Variants in FGF12 observed in about 807,000 individuals in gnomAD.
FGF12 encodes fibroblast growth factor 12.
Under a neutral mutation model 23.6 loss-of-function variants are expected in FGF12, and 14 were observed. That is an observed-to-expected ratio of 0.59 (90% confidence interval 0.39 to 0.93). The LOEUF is 0.93. Ranked by LOEUF, FGF12 falls within the 40% of genes least tolerant of loss-of-function variation. FGF12 has a pLI of 0.00. For missense variants in FGF12, 175 were observed against 217.8 expected, an observed-to-expected ratio of 0.80 and a Z score of 1.24; for synonymous variants, 62 against 77.3, an observed-to-expected ratio of 0.80 and a Z score of 1.04.
intron 2 of FGF12, among the ~76,000 whole-genome samples, chr3:192,401,736 G>A (rs1032998834): frequency 2.6e-5 from 4 of 152,284 alleles, no homozygotes; most frequent in African/African-American, 4.8e-5. Flanking sequence ...AGGCCCTGCG[G>A]TTCTTGCCAA....
At chr3:192,453,726 G>C (rs1722596315) in intron 2 of FGF12, among the ~76,000 whole-genome samples, 1 of 152,038 alleles carries the variant, frequency 6.6e-6, no homozygotes. Context: ...TCTCTTGCTT[G>C]GCTTGGGCTC....
chr3:192,186,461 C>T (rs74706075), intron 4 of FGF12, among the ~76,000 whole-genome samples: 1 of 152,146 alleles, frequency 6.6e-6, no homozygotes, highest in Non-Finnish European at 1.5e-5. Flanking sequence ...ACATAGTAAG[C>T]CTACTAGAAA....
rs116826947 is a variant in FGF12, at chr3:192,465,800, T to C, written c.14-105262A>G. Among the ~76,000 whole-genome samples, 427 of 152,278 alleles carry C rather than the reference T, an allele frequency of 2.8e-3. 7 individuals are homozygous for C. The highest frequency in any genetic ancestry group is 9.7e-3 in the African/African-American group (404 of 41,556). ...ACATTGTATACATGTTACTGCGTTT[T>C]TTTGCTGCTGAAGAAAAGAGCACCC... On this transcript the variant is annotated intron_variant, in intron 2 of 5. Transcript: ENST00000445105.
At chr3:192,222,628 C>T (rs1327383714) in intron 4 of FGF12, among the ~76,000 whole-genome samples, 1 of 152,088 alleles carries the variant, frequency 6.6e-6, no homozygotes, top group Non-Finnish European at 1.5e-5. Context: ...ATAAGAGTGT[C>T]TGGGAAACAG....
rs191581572 is a variant in FGF12, at chr3:192,528,813, T to C, written c.14-168275A>G. On this transcript the variant is annotated intron_variant, in intron 2 of 5. Coordinates refer to ENST00000445105, the MANE Select transcript of FGF12 (RefSeq NM_004113.6). ...TTGAGTCTTGCACCCTCTGAAGTCA[T>C]GGCCAGAGCTGTACATTGGCCCCTT... Among the ~76,000 whole-genome samples, 144 of 152,296 alleles carry C rather than the reference T, an allele frequency of 9.5e-4. 1 individual carries two copies. Among genetic ancestry groups the C allele is most frequent in the African/African-American group, 3.2e-3 (135 of 41,568 alleles).
intron 2 of FGF12, among the ~76,000 whole-genome samples, chr3:192,547,554 T>C (rs1469365094): frequency 1.3e-5 from 2 of 152,196 alleles, no homozygotes; most frequent in Non-Finnish European, 2.9e-5. Context: ...CAATGGTATA[T>C]TGTTGTGGAC....
intron 4 of FGF12, among the ~76,000 whole-genome samples, chr3:192,224,993 T>A (rs970151702): frequency 6.6e-6 from 1 of 152,044 alleles, no homozygotes; most frequent in Non-Finnish European, 1.5e-5. Flanking sequence ...GACTTAGCAT[T>A]TCTTACCAGC....
chr3:192,228,959 T>C (rs1047920223), intron 4 of FGF12, among the ~76,000 whole-genome samples: 4 of 152,048 alleles, frequency 2.6e-5, no homozygotes, highest in African/African-American at 7.2e-5. Flanking sequence ...TCACAATAAT[T>C]TTCCGAGTTA....
At chr3:192,209,465 G>T (rs535004126) in intron 4 of FGF12, among the ~76,000 whole-genome samples, 4 of 152,250 alleles carry the variant, frequency 2.6e-5, no homozygotes, top group South Asian at 2.1e-4. Flanking sequence ...ACCACTTTTA[G>T]TTTGTTTAAA....
intron 2 of FGF12, among the ~76,000 whole-genome samples, chr3:192,492,799 AC>A (rs1327799880): frequency 1.3e-5 from 2 of 152,080 alleles, no homozygotes; most frequent in Admixed American, 6.6e-5. Context: ...CTCACATGTC[AC>A]TAGGTGTGAG....
At chr3:192,676,326 T>A (rs908154281) in intron 2 of FGF12, among the ~76,000 whole-genome samples, 1 of 152,164 alleles carries the variant, frequency 6.6e-6, no homozygotes, top group African/African-American at 2.4e-5. Flanking sequence ...CCTAGGAGCA[T>A]AGAGTTGAAT....
intron 2 of FGF12, among the ~76,000 whole-genome samples, chr3:192,495,025 C>T (rs1299076126): frequency 1.3e-5 from 2 of 151,948 alleles, no homozygotes; most frequent in Admixed American, 1.3e-4. Context: ...CTCGCCCGGC[C>T]AATTTTTGTA....
intron 2 of FGF12, among the ~76,000 whole-genome samples, chr3:192,490,275 TG>T (rs992255491): frequency 6.6e-6 from 1 of 152,114 alleles, no homozygotes; most frequent in Non-Finnish European, 1.5e-5. Context: ...TGCAGGATTT[TG>T]TAAATGGTTC....
chr3:192,397,906 T>A (rs573036311), intron 2 of FGF12, among the ~76,000 whole-genome samples: 1 of 152,048 alleles, frequency 6.6e-6, no homozygotes, highest in African/African-American at 2.4e-5. Context: ...ATCTTTTGAG[T>A]TCCCAAATTA....
At chr3:192,452,963 G>C (rs1722571398) in intron 2 of FGF12, among the ~76,000 whole-genome samples, 4 of 152,084 alleles carry the variant, frequency 2.6e-5, no homozygotes, top group Non-Finnish European at 5.9e-5. Flanking sequence ...GTTTCTTTGT[G>C]TATCTATGAT....
chr3:192,381,688 G>A (rs1007537858), intron 2 of FGF12, among the ~76,000 whole-genome samples: 5 of 152,178 alleles, frequency 3.3e-5, no homozygotes, highest in Admixed American at 6.5e-5. Context: ...GAGGAAGTGA[G>A]TACGTGTCAG....
At chr3:192,362,277 G>A (rs1415638629) in intron 2 of FGF12, among the ~76,000 whole-genome samples, 3 of 152,056 alleles carry the variant, frequency 2.0e-5, no homozygotes, top group Non-Finnish European at 1.5e-5. Flanking sequence ...TAGGGTACAT[G>A]AGCACAACGT....
chr3:192,608,320 AAAG>A (rs1247541782), intron 2 of FGF12, among the ~76,000 whole-genome samples: 1 of 152,184 alleles, frequency 6.6e-6, no homozygotes, highest in Non-Finnish European at 1.5e-5. Flanking sequence ...TTTGTGACAC[AAAG>A]AAGTGATAAA....
intron 4 of FGF12, among the ~76,000 whole-genome samples, chr3:192,332,099 T>A (rs1717155421): frequency 6.6e-6 from 1 of 152,120 alleles, no homozygotes; most frequent in Admixed American, 6.6e-5. Context: ...ATTCATTAAT[T>A]TAACGATTAG....
Sources: gnomAD v4.1 joint callset for allele counts (sites outside exome capture counted in the v4.1 genomes callset) on GRCh38, gnomAD v4.1.1 for gene constraint, MANE v1.5 for transcripts, NCBI Gene and HGNC (gene_info 2026-07-23, HGNC 2026-07-21) for gene names.